The following CDH18 variants were observed in gnomAD, a reference collection of about 807,000 sequenced individuals.
CDH18 encodes the protein cadherin 18.
Under a neutral mutation model 67.9 loss-of-function variants are expected in CDH18, and 31 were observed. The observed-to-expected ratio is 0.46, with a 90% CI of 0.34 to 0.62. The LOEUF (loss-of-function observed/expected upper bound fraction) is 0.62. Ranked by LOEUF, CDH18 falls within the 20% of genes least tolerant of loss-of-function variation. The probability of loss-of-function intolerance (pLI) is 0.01; values close to 1 mark genes in which losing one functional copy is unlikely to be tolerated. For missense variants in CDH18, 890 were observed against 975.5 expected, an observed-to-expected ratio of 0.91 and a Z score of 1.17; for synonymous variants, 362 against 347.2, an observed-to-expected ratio of 1.04 and a Z score of -0.48.
chr5:20,157,475 TG>T (rs1236473921), intron 2 of CDH18, among the ~76,000 whole-genome samples: 1 of 152,150 alleles, frequency 6.6e-6, no homozygotes, highest in Non-Finnish European at 1.5e-5. Context: ...TATAGATTTA[TG>T]GGGTACATGA....
At chr5:19,697,032 T>C (rs1176312722) in intron 5 of CDH18, among the ~76,000 whole-genome samples, 1 of 152,196 alleles carries the variant, frequency 6.6e-6, no homozygotes, top group Non-Finnish European at 1.5e-5. Flanking sequence ...ACTAGCTCAA[T>C]GAATGAAACA....
intron 2 of CDH18, among the ~76,000 whole-genome samples, chr5:19,950,928 C>G (rs1372422203): frequency 6.6e-6 from 1 of 152,124 alleles, no homozygotes; most frequent in Non-Finnish European, 1.5e-5. Flanking sequence ...AGGAACCACA[C>G]AAAATAAACA....
intron 1 of CDH18, among the ~76,000 whole-genome samples, chr5:20,363,272 G>A (rs928414123): frequency 5.3e-5 from 8 of 151,552 alleles, no homozygotes; most frequent in African/African-American, 1.9e-4. Context: ...ATCCCCTGAG[G>A]TCAGGAGCTC....
At chr5:20,502,350 T>G (rs1483184013) in intron 1 of CDH18, among the ~76,000 whole-genome samples, 2 of 152,144 alleles carry the variant, frequency 1.3e-5, no homozygotes, top group African/African-American at 4.8e-5. Flanking sequence ...GGTCAAGGTA[T>G]ATCAGCAGCA....
At chr5:19,701,161 G>A (rs571811527) in intron 5 of CDH18, among the ~76,000 whole-genome samples, 1 of 152,024 alleles carries the variant, frequency 6.6e-6, no homozygotes, top group South Asian at 2.1e-4. Context: ...AGTTAGCAAA[G>A]TGGGAAATTT....
chr5:19,698,460 A>G (rs1261685897), intron 5 of CDH18, among the ~76,000 whole-genome samples: 1 of 152,090 alleles, frequency 6.6e-6, no homozygotes, highest in Non-Finnish European at 1.5e-5. Context: ...TGACTATATC[A>G]AAAGCTAATT....
At chr5:19,861,106 C>T (rs537131975) in intron 2 of CDH18, among the ~76,000 whole-genome samples, 1 of 152,242 alleles carries the variant, frequency 6.6e-6, no homozygotes, top group Admixed American at 6.5e-5. Context: ...ATTAAGTGTT[C>T]CCATTGAGGA....
chr5:20,398,636 A>G lies in CDH18; in HGVS notation c.-579-143131T>C, dbSNP rs79748815. On this transcript the variant is annotated intron_variant, in intron 1 of 14. Transcript: ENST00000507958. ...GTATACCTATGTAAAAAACCACCAC[A>G]GCACACATATACCTATGTAAAAAAC... is the stretch of plus-strand genomic sequence containing the variant. Among the ~76,000 whole-genome samples the G allele has an allele frequency of 4.6e-5, 7 of 150,996 alleles. No homozygotes were observed. The South Asian group carries it at 6.4e-4, about 14-fold the overall frequency.
intron 2 of CDH18, among the ~76,000 whole-genome samples, chr5:19,901,254 A>G (rs1466562119): frequency 5.3e-5 from 8 of 152,124 alleles, no homozygotes; most frequent in Non-Finnish European, 1.0e-4. Context: ...TATGTTTTAA[A>G]TGCCATTGAT....
chr5:20,181,328 C>G lies in CDH18; in HGVS notation c.-518+74116G>C, dbSNP rs568974942. Among the ~76,000 whole-genome samples the G allele has an allele frequency of 2.0e-4, 30 of 152,228 alleles. No individual in the cohort carries two copies. In the South Asian group the frequency reaches 6.2e-3, roughly 32 times the overall value. ...ATTTGGGAATGCCCTCTTAAAAGAA[C>G]TCCTCTTGGCATCCAGCTTGCAGGA... On this transcript the variant is annotated intron_variant, in intron 2 of 14. Transcript: ENST00000507958.
chr5:19,555,740 G>A (rs898174249), intron 8 of CDH18, among the ~76,000 whole-genome samples: 3 of 152,120 alleles, frequency 2.0e-5, no homozygotes, highest in African/African-American at 7.2e-5. Flanking sequence ...TGGCTCTGTT[G>A]ACTGCCTGAT....
chr5:19,496,692 G>GA (rs1742382503), intron 11 of CDH18, among the ~76,000 whole-genome samples: 2 of 151,446 alleles, frequency 1.3e-5, no homozygotes, highest in African/African-American at 4.9e-5. Context: ...AGTGCCTGTA[G>GA]TCCCAGATAC....
chr5:20,439,891 C>T (rs1203193369), intron 1 of CDH18, among the ~76,000 whole-genome samples: 1 of 151,310 alleles, frequency 6.6e-6, no homozygotes, highest in East Asian at 1.9e-4. Context: ...GAAGTACTTC[C>T]AAAAATGGAT....
intron 1 of CDH18, among the ~76,000 whole-genome samples, chr5:20,315,723 T>C (rs1737403954): frequency 6.6e-6 from 1 of 152,166 alleles, no homozygotes; most frequent in Non-Finnish European, 1.5e-5. Flanking sequence ...CTGTATTTGA[T>C]TGACATCTTT....
chr5:20,266,447 A>T (rs1745038801), intron 1 of CDH18, among the ~76,000 whole-genome samples: 1 of 152,158 alleles, frequency 6.6e-6, no homozygotes. Context: ...TCCATCGCCC[A>T]GGCTGGAGTA....
At chr5:20,531,817 A>G (rs998564784) in intron 1 of CDH18, among the ~76,000 whole-genome samples, 1 of 152,130 alleles carries the variant, frequency 6.6e-6, no homozygotes, top group Non-Finnish European at 1.5e-5. Context: ...ATGGGTAGAT[A>G]GCCGCAGCAA....
chr5:19,614,060 T>C (rs1275490976), intron 5 of CDH18, among the ~76,000 whole-genome samples: 3 of 152,120 alleles, frequency 2.0e-5, no homozygotes, highest in Non-Finnish European at 4.4e-5. Context: ...CTGTTACCTA[T>C]AGGCTTTACC....
intron 10 of CDH18, among the ~76,000 whole-genome samples, chr5:19,513,265 G>A (rs1329727521): frequency 6.6e-6 from 1 of 152,000 alleles, no homozygotes; most frequent in East Asian, 1.9e-4. Flanking sequence ...GAGCCACCAA[G>A]CCCAGCTAAA....
At chr5:19,930,296 G>T (rs1793538311) in intron 2 of CDH18, among the ~76,000 whole-genome samples, 1 of 152,070 alleles carries the variant, frequency 6.6e-6, no homozygotes, top group South Asian at 2.1e-4. Context: ...ATTGCCTCTG[G>T]ACTGTGTTAA....
Sources: allele counts gnomAD v4.1 joint callset (sites outside exome capture counted in the v4.1 genomes callset), GRCh38; gene constraint gnomAD v4.1.1; transcripts MANE v1.5; gene names NCBI Gene and HGNC (gene_info 2026-07-23, HGNC 2026-07-21).